The following FAM204A variants were observed in gnomAD, a reference collection of about 807,000 sequenced individuals.
FAM204A encodes protein FAM204A.
In FAM204A, 16 loss-of-function variants were observed where a neutral mutation model predicts 35.4. The ratio of observed to expected loss-of-function variants is 0.45; its 90% confidence interval spans 0.31 to 0.69. FAM204A has a LOEUF of 0.69. Among genes scored for constraint, FAM204A ranks in the 30% least tolerant of loss-of-function variants. The pLI, the probability that FAM204A is intolerant of heterozygous loss-of-function variation, is 0.07. For synonymous variants in FAM204A, 76 were observed against 86.9 expected (o/e 0.88, Z 0.70); for missense variants, 240 against 265.7 (o/e 0.90, Z 0.67).
At chr10:118,329,615 G>A (rs1390290461) in intron 6 of FAM204A, among the ~76,000 whole-genome samples, 1 of 151,996 alleles carries the variant, frequency 6.6e-6, no homozygotes, top group African/African-American at 2.4e-5. Flanking sequence ...CTGTGCTGTT[G>A]CTGTACCTTG....
At chr10:118,313,654 T>A (rs1168812225) in intron 7 of FAM204A, among the ~76,000 whole-genome samples, 1 of 152,188 alleles carries the variant, frequency 6.6e-6, no homozygotes, top group Admixed American at 6.5e-5. Context: ...ATCTATATTT[T>A]TTCCATTAAC....
Position 118,335,655 on chromosome 10 carries a change from A to G in FAM204A, c.235-14T>C, listed in dbSNP as rs1589730604. ...TTCTTGAAATTTCTATGTAAAAGAA[A>G]AAAAAATTGAGAAGCAAATATACTT... On this transcript the variant is annotated splice_polypyrimidine_tract_variant and intron_variant, in intron 3 of 8. Coordinates refer to ENST00000369183, the MANE Select transcript of FAM204A (RefSeq NM_022063.3). 1.9e-6 allele frequency: 3 copies of G among 1,563,828 alleles called. No homozygotes were observed. The Admixed American group carries it at 5.7e-5, about 30-fold the overall frequency.
intron 7 of FAM204A, among the ~76,000 whole-genome samples, chr10:118,322,714 T>C (rs569077255): frequency 2.4e-4 from 37 of 152,242 alleles, no homozygotes; most frequent in African/African-American, 8.7e-4. Flanking sequence ...ATGTTAGCAT[T>C]TCTGGTATCT....
At chr10:118,337,603 T>G (rs533028351) in intron 2 of FAM204A, among the ~76,000 whole-genome samples, 4 of 152,268 alleles carry the variant, frequency 2.6e-5, no homozygotes, top group Non-Finnish European at 5.9e-5. Context: ...TCACCAAATA[T>G]TCTGTTGGCT....
chr10:118,311,095 GA>G (rs925087687), intron 8 of FAM204A, 111 bp downstream of exon 8: 14 of 1,119,496 alleles, frequency 1.3e-5, no homozygotes, highest in Non-Finnish European at 1.6e-5. Context: ...ATTCAACGAA[GA>G]AAAAAATGTA....
At chr10:118,336,037 C>A in intron 3 of FAM204A, 145 bp downstream of exon 3, 6 of 893,658 alleles carry the variant, frequency 6.7e-6, no homozygotes, top group Non-Finnish European at 9.9e-6. Flanking sequence ...GTGGCCGATG[C>A]CTCAGAGAAC....
At chr10:118,328,499 T>G (rs919655805) in intron 6 of FAM204A, among the ~76,000 whole-genome samples, 2 of 151,596 alleles carry the variant, frequency 1.3e-5, no homozygotes, top group African/African-American at 4.8e-5. Flanking sequence ...CAACTGTTTT[T>G]TTTTTTTTTT....
chr10:118,330,374 C>T (rs1348088210), intron 6 of FAM204A, among the ~76,000 whole-genome samples: 3 of 152,200 alleles, frequency 2.0e-5, no homozygotes, highest in Non-Finnish European at 4.4e-5. Flanking sequence ...AGCTTCCATT[C>T]TTTTGCCTGT....
At position 118,305,916 on chromosome 10, in the gene FAM204A, G is replaced by A. The variant is rs577662438; in HGVS notation, c.*4941C>T. 10 of 152,214 alleles carry A rather than the reference G, an allele frequency of 6.6e-5. No homozygotes were observed. Among genetic ancestry groups the A allele is most frequent in the Admixed American group, 2.0e-4 (3 of 15,290 alleles). The allele number at this position is 152,214 out of a possible 1,614,324, so 9.4% of individuals were successfully genotyped here. A position where few individuals can be genotyped will look rare whatever the true frequency, so the allele number is the denominator to read the frequency against. ...ACAAATGAAAACACTTTTTATTGTG[G>A]GCAGTCATAATTGTATGCTATCCAT... On this transcript the variant is annotated 3_prime_UTR_variant, in exon 9 of 9. Transcript: ENST00000369183.
At chr10:118,320,389 T>C (rs1846095060) in intron 7 of FAM204A, among the ~76,000 whole-genome samples, 1 of 151,930 alleles carries the variant, frequency 6.6e-6, no homozygotes, top group Non-Finnish European at 1.5e-5. Flanking sequence ...TTTCTATCGT[T>C]TTCTATAAAT....
rs755131175 is a variant in FAM204A, at chr10:118,341,411, AAT to A, written c.-9+314_-9+315del. On this transcript the variant is annotated intron_variant, in intron 2 of 8. Transcript: ENST00000369183. ...TCATAATCAGAGTCTGTGACTTAAAAATAGTTACTATTTTCAAGCATGTTAAC... is the reference window on the plus strand; with the variant it reads ...TCATAATCAGAGTCTGTGACTTAAAAAGTTACTATTTTCAAGCATGTTAAC... Among the ~76,000 whole-genome samples, 92 of 152,314 alleles carry A rather than the reference AAT, an allele frequency of 6.0e-4. 1 individual carries two copies. The highest frequency in any genetic ancestry group is 1.1e-3 in the Non-Finnish European group (76 of 68,022).
chr10:118,313,494 G>A (rs1209471038), intron 7 of FAM204A, among the ~76,000 whole-genome samples: 3 of 152,188 alleles, frequency 2.0e-5, no homozygotes. Flanking sequence ...AGCAGGCTAT[G>A]AAGGGAGCAG....
chr10:118,320,139 CT>C (rs1846089150), intron 7 of FAM204A, among the ~76,000 whole-genome samples: 1 of 151,782 alleles, frequency 6.6e-6, no homozygotes. Context: ...GAGAAATCCC[CT>C]TTTATGTGAG....
At position 118,314,630 on chromosome 10, in the gene FAM204A, T is replaced by C. The variant is rs117752578; in HGVS notation, c.544-3317A>G. ...CCTTCCACTTCCATAAAAAGAAAAA[T>C]GCATCTTCATGCTCAATGTAAACAT... On this transcript the variant is annotated intron_variant, in intron 7 of 8. Transcript: ENST00000369183. Among the ~76,000 whole-genome samples, 597 of 152,206 alleles carry C rather than the reference T, an allele frequency of 3.9e-3. 3 individuals carry two copies. The highest frequency in any genetic ancestry group is 0.01 in the Middle Eastern group (3 of 294).
At chr10:118,335,481 T>G in intron 4 of FAM204A, 55 bp from the exon 5 acceptor site, 1 of 1,596,268 alleles carries the variant, frequency 6.3e-7, no homozygotes, top group Non-Finnish European at 8.5e-7. Flanking sequence ...CAAAACCATA[T>G]TTTAAAAAAA....
chr10:118,325,735 G>A (rs552787113), intron 7 of FAM204A, among the ~76,000 whole-genome samples: 11 of 152,266 alleles, frequency 7.2e-5, no homozygotes, highest in Admixed American at 2.0e-4. Flanking sequence ...TGAGGGGGAT[G>A]TGCTGAGCAA....
At position 118,330,287 on chromosome 10, in the gene FAM204A, A is replaced by T. The variant is rs193025287; in HGVS notation, c.454-4044T>A. Among the ~76,000 whole-genome samples, 4 of 152,314 alleles carry T rather than the reference A, an allele frequency of 2.6e-5. No individual in the cohort carries two copies. The East Asian group carries it at 5.8e-4, about 22-fold the overall frequency. On this transcript the variant is annotated intron_variant, in intron 6 of 8. Transcript: ENST00000369183. ...GCATAGCCTGATACCTCAACTCAGA[A>T]CTTATCCAATCTCACGCAGGGAAGC...
At chr10:118,335,256 T>A (rs1360125631) in intron 5 of FAM204A, 43 bp from the exon 6 acceptor site, 1 of 1,574,502 alleles carries the variant, frequency 6.4e-7, no homozygotes, top group Non-Finnish European at 8.7e-7. Context: ...ATATATACTG[T>A]CTTTACTTTT....
At chr10:118,318,196 C>G (rs918456921) in intron 7 of FAM204A, among the ~76,000 whole-genome samples, 1 of 151,748 alleles carries the variant, frequency 6.6e-6, no homozygotes, top group African/African-American at 2.4e-5. Context: ...TAATAATAAA[C>G]AAGCAAACAA....
Sources: gnomAD v4.1 joint callset for allele counts (sites outside exome capture counted in the v4.1 genomes callset) on GRCh38, gnomAD v4.1.1 for gene constraint, MANE v1.5 for transcripts, NCBI Gene and HGNC (gene_info 2026-07-23, HGNC 2026-07-21) for gene names.